DPP6: variants seen among roughly 807,000 people sequenced by gnomAD.
DPP6 encodes the protein A-type potassium channel modulatory protein DPP6.
DPP6 carries 69 observed loss-of-function variants against 122.6 expected under a neutral mutation model. The ratio of observed to expected loss-of-function variants is 0.56; its 90% CI spans 0.46 to 0.69. The LOEUF is 0.69. Among genes scored for constraint, DPP6 ranks in the 30% least tolerant of loss-of-function variants. The pLI is 0.00. For synonymous variants in DPP6, 418 were observed against 433.1 expected (o/e 0.97, Z 0.43); for missense variants, 928 against 1,116.9 (o/e 0.83, Z 2.41).
At chr7:154,219,779 G>T (rs564425246) in intron 1 of DPP6, among the ~76,000 whole-genome samples, 1 of 152,198 alleles carries the variant, frequency 6.6e-6, no homozygotes, top group South Asian at 2.1e-4. Context: ...TAGAGACATG[G>T]TTTCACCATG....
chr7:154,149,845 C>G (rs571029478), intron 1 of DPP6, among the ~76,000 whole-genome samples: 1 of 146,392 alleles, frequency 6.8e-6, no homozygotes, highest in Admixed American at 6.7e-5. Context: ...TGGTACCCCC[C>G]GCTCCAGTGG....
intron 1 of DPP6, among the ~76,000 whole-genome samples, chr7:154,331,044 C>T (rs62475073): frequency 2.8e-3 from 423 of 152,318 alleles, no homozygotes; most frequent in Non-Finnish European, 4.9e-3. Context: ...CCAGTTACCA[C>T]GATTGCTGGT....
intron 1 of DPP6, among the ~76,000 whole-genome samples, chr7:154,077,076 A>C (rs1227992618): frequency 1.3e-5 from 2 of 152,240 alleles, no homozygotes; most frequent in Non-Finnish European, 2.9e-5. Context: ...TACTTTTGAT[A>C]AACTTTATTA....
intron 1 of DPP6, among the ~76,000 whole-genome samples, chr7:153,888,580 C>T (rs892143260): frequency 2.6e-5 from 4 of 152,160 alleles, no homozygotes; most frequent in African/African-American, 9.7e-5. Flanking sequence ...CTGGCGAGGA[C>T]GAGAGAGTTG....
At chr7:154,884,593 TCATA>T (rs1367652394) in intron 21 of DPP6, 15 of 147,876 alleles carry the variant, frequency 1.0e-4, no homozygotes, top group African/African-American at 1.8e-4. Flanking sequence ...ATACACATGC[TCATA>T]CATACACGAT....
Position 154,504,139 on chromosome 7 carries a change from T to C in DPP6, c.457+29102T>C, listed in dbSNP as rs1283581017. ...AACAGCCTTAATAGTGTTTAGAGCA[T>C]TTTATGAAACAGTGCCCTCTAGTGG... On this transcript the variant is annotated intron_variant, in intron 3 of 25. Coordinates refer to ENST00000377770, the MANE Select transcript of DPP6 (RefSeq NM_130797.4). Among the ~76,000 whole-genome samples the C allele has an allele frequency of 1.7e-4, 26 of 152,194 alleles. 1 individual carries two copies. The highest frequency in any genetic ancestry group is 1.7e-3 in the Admixed American group (26 of 15,270).
chr7:153,948,819 A>T (rs954108035), intron 1 of DPP6, among the ~76,000 whole-genome samples: 4 of 146,226 alleles, frequency 2.7e-5, no homozygotes, highest in Non-Finnish European at 4.5e-5. Context: ...AGCCTGGCCC[A>T]TACGAGATAT....
chr7:153,951,634 G>A (rs1585079634), intron 1 of DPP6, among the ~76,000 whole-genome samples: 2 of 152,136 alleles, frequency 1.3e-5, no homozygotes, highest in African/African-American at 4.8e-5. Flanking sequence ...TTACAGGCGT[G>A]GTGAGATTAT....
intron 1 of DPP6, among the ~76,000 whole-genome samples, chr7:154,199,604 AC>A (rs953882850): frequency 4.0e-5 from 6 of 149,306 alleles, no homozygotes; most frequent in African/African-American, 1.5e-4. Flanking sequence ...ACTCTCAGCC[AC>A]TTTTTTTTTT....
chr7:154,846,593 A>G (rs1044686411), intron 16 of DPP6, among the ~76,000 whole-genome samples: 2 of 152,246 alleles, frequency 1.3e-5, no homozygotes, highest in African/African-American at 4.8e-5. Flanking sequence ...CAGCAACTGC[A>G]GTGCTACCAA....
chr7:154,699,516 A>G (rs1037020017), intron 7 of DPP6, among the ~76,000 whole-genome samples: 1 of 152,232 alleles, frequency 6.6e-6, no homozygotes, highest in African/African-American at 2.4e-5. Context: ...ACCTGCTCCT[A>G]TAAAGGCCCC....
At chr7:154,855,723 C>T (rs11760986) in intron 17 of DPP6, among the ~76,000 whole-genome samples, 60,248 of 152,182 alleles carry the variant, frequency 0.4, 14,477 homozygotes, top group East Asian at 0.79. Context: ...AGACATACTC[C>T]GGCATGACAG....
chr7:154,626,267 T>C (rs1022369072), intron 5 of DPP6, among the ~76,000 whole-genome samples: 2 of 152,232 alleles, frequency 1.3e-5, no homozygotes, highest in Non-Finnish European at 2.9e-5. Context: ...GAAGGAAATA[T>C]ATATTTTGTA....
chr7:154,138,555 G>A (rs1476330349), intron 1 of DPP6, among the ~76,000 whole-genome samples: 2 of 152,122 alleles, frequency 1.3e-5, no homozygotes, highest in East Asian at 1.9e-4. Context: ...GATCAAGATC[G>A]TCACTGGAAC....
intron 1 of DPP6, among the ~76,000 whole-genome samples, chr7:153,947,853 G>A (rs1563037572): frequency 6.6e-6 from 1 of 152,184 alleles, no homozygotes; most frequent in Non-Finnish European, 1.5e-5. Flanking sequence ...TCCTTCTGGG[G>A]AGGCGGGGAA....
intron 16 of DPP6, among the ~76,000 whole-genome samples, chr7:154,820,353 C>T (rs549317110): frequency 6.7e-4 from 102 of 152,076 alleles, no homozygotes; most frequent in Admixed American, 1.8e-3. Flanking sequence ...CCACACAGAG[C>T]GGTAAAGAGT....
At chr7:154,660,641 T>C (rs1837596712) in intron 6 of DPP6, among the ~76,000 whole-genome samples, 1 of 137,642 alleles carries the variant, frequency 7.3e-6, no homozygotes, top group Non-Finnish European at 1.5e-5. Context: ...CATATACTCA[T>C]GGTGAATCAC....
At chr7:154,382,316 C>T (rs922700092) in intron 1 of DPP6, among the ~76,000 whole-genome samples, 1 of 152,114 alleles carries the variant, frequency 6.6e-6, no homozygotes, top group African/African-American at 2.4e-5. Context: ...TCCCAAGTAG[C>T]TGGGACCACA....
chr7:154,051,867 C>T (rs1800348496), upstream of DPP6, among the ~76,000 whole-genome samples: 1 of 150,962 alleles, frequency 6.6e-6, no homozygotes, highest in African/African-American at 2.4e-5. Flanking sequence ...GGCCTCTTCA[C>T]CAGCGTCGTC....
Sources: allele counts gnomAD v4.1 joint callset (sites outside exome capture counted in the v4.1 genomes callset), GRCh38; gene constraint gnomAD v4.1.1; transcripts MANE v1.5; gene names NCBI Gene and HGNC (gene_info 2026-07-23, HGNC 2026-07-21).